Variants in ZDHHC20 observed in about 807,000 individuals in gnomAD.
ZDHHC20 encodes zDHHC palmitoyltransferase 20, also known as palmitoyltransferase ZDHHC20.
ZDHHC20 carries 43 observed loss-of-function variants against 57.8 expected under a neutral mutation model. The observed-to-expected ratio is 0.74, with a 90% CI of 0.58 to 0.96. The LOEUF (loss-of-function observed/expected upper bound fraction) is 0.96. Among genes scored for constraint, ZDHHC20 ranks in the 40% least tolerant of loss-of-function variants. The pLI, the probability that ZDHHC20 is intolerant of heterozygous loss-of-function variation, is 0.00. For synonymous variants in ZDHHC20, 157 were observed against 153.0 expected, an observed-to-expected ratio of 1.03 and a Z score of -0.19; for missense variants, 391 against 441.1, an observed-to-expected ratio of 0.89 and a Z score of 1.02.
chr13:21,420,726 T>C (rs906144858), intron 3 of ZDHHC20, among the ~76,000 whole-genome samples: 2 of 152,224 alleles, frequency 1.3e-5, no homozygotes, highest in African/African-American at 4.8e-5. Flanking sequence ...AAAATATAAA[T>C]GTTGAGAGTT....
intron 1 of ZDHHC20, among the ~76,000 whole-genome samples, chr13:21,437,732 C>T (rs1882701180): frequency 6.6e-6 from 1 of 151,878 alleles, no homozygotes; most frequent in African/African-American, 2.4e-5. Context: ...CACACTGTCG[C>T]CCAGGCTGGA....
At position 21,413,782 on chromosome 13, in the gene ZDHHC20, G is replaced by A. The variant is rs757602444; in HGVS notation, c.250-10C>T. The stretch of plus-strand genomic sequence containing the variant: ...AATTGGACAAGTAGAACTATAAAAG[G>A]AAAGAGGACTATTAAATTTTTTTAA... On this transcript the variant is annotated splice_polypyrimidine_tract_variant and intron_variant, in intron 3 of 12. Transcript: ENST00000400590. The A allele has an allele frequency of 3.3e-5, 52 of 1,595,662 alleles. No individual in the cohort carries two copies. Among genetic ancestry groups the A allele is most frequent in the Non-Finnish European group, 4.3e-5 (50 of 1,173,362 alleles).
intron 4 of ZDHHC20, among the ~76,000 whole-genome samples, chr13:21,412,187 T>C (rs1157937671): frequency 2.0e-5 from 3 of 152,200 alleles, no homozygotes; most frequent in Non-Finnish European, 4.4e-5. Flanking sequence ...TGAATGCAGC[T>C]GCAAATCTAC....
chr13:21,413,871 AT>A, intron 3 of ZDHHC20, 99 bp from the exon 4 acceptor site: 1 of 1,024,856 alleles, frequency 9.8e-7, no homozygotes, highest in Non-Finnish European at 1.4e-6. Context: ...ACCAAAAACT[AT>A]TTTATGAAGA....
chr13:21,445,282 T>C (rs1223842526), intron 1 of ZDHHC20, among the ~76,000 whole-genome samples: 1 of 152,288 alleles, frequency 6.6e-6, no homozygotes, highest in East Asian at 1.9e-4. Context: ...GTTACACAGA[T>C]GTGGATCTGA....
intron 4 of ZDHHC20, chr13:21,404,239 T>A (rs1233851438): frequency 2.2e-6 from 1 of 455,038 alleles, no homozygotes; most frequent in African/African-American, 2.0e-5. Context: ...AAATAACCAA[T>A]CTTCTTTCTG....
chr13:21,457,518 G>T (rs1885025039), intron 1 of ZDHHC20, among the ~76,000 whole-genome samples: 1 of 151,922 alleles, frequency 6.6e-6, no homozygotes, highest in South Asian at 2.1e-4. Flanking sequence ...TAAACATTCT[G>T]GTATCCAAAA....
At chr13:21,428,405 G>C (rs529371444) in intron 1 of ZDHHC20, among the ~76,000 whole-genome samples, 158 of 151,586 alleles carry the variant, frequency 1.0e-3, no homozygotes, top group Non-Finnish European at 1.9e-3. Flanking sequence ...ATTTTTAGTA[G>C]AGACGGGGTT....
chr13:21,451,348 GATTCA>G (rs752561590), intron 1 of ZDHHC20, among the ~76,000 whole-genome samples: 6 of 152,120 alleles, frequency 3.9e-5, no homozygotes, highest in Non-Finnish European at 8.8e-5. Context: ...ACAAGAGTAT[GATTCA>G]ATTCAATTCA....
In ZDHHC20 at chr13:21,425,642, A is replaced by T. The variant is rs768085535; in HGVS notation, c.145+10T>A. The stretch of plus-strand genomic sequence containing the variant: ...GCATTTAACTTAAATTGAAACTAAA[A>T]GTGCCTTACCATTTTCTTCATTTCC... On this transcript the variant is annotated intron_variant, in intron 2 of 12. Coordinates refer to ENST00000400590, the MANE Select transcript of ZDHHC20 (RefSeq NM_001330059.2). 2 of 1,200,824 alleles carry T rather than the reference A, an allele frequency of 1.7e-6. No individual in the cohort carries two copies. The highest frequency in any genetic ancestry group is 2.2e-6 in the Non-Finnish European group (2 of 894,316). The allele number at this position is 1,200,824 out of a possible 1,614,324, so 74.4% of individuals were successfully genotyped here.
At chr13:21,382,627 GC>G (rs1429535509) in intron 10 of ZDHHC20, among the ~76,000 whole-genome samples, 4 of 152,074 alleles carry the variant, frequency 2.6e-5, no homozygotes, top group Non-Finnish European at 5.9e-5. Flanking sequence ...GGTCTTAGTT[GC>G]TCCCCAGCTT....
intron 11 of ZDHHC20, among the ~76,000 whole-genome samples, chr13:21,379,286 T>C (rs921471249): frequency 6.6e-6 from 1 of 151,856 alleles, no homozygotes; most frequent in East Asian, 1.9e-4. Context: ...TTTTTCTTTT[T>C]CCTTTTTTTT....
intron 1 of ZDHHC20, among the ~76,000 whole-genome samples, chr13:21,431,653 G>C (rs1260586661): frequency 1.3e-5 from 2 of 152,138 alleles, no homozygotes; most frequent in Non-Finnish European, 2.9e-5. Flanking sequence ...ACTTAGAATT[G>C]ACAGTTTTTA....
At chr13:21,410,171 G>A (rs987831806) in intron 4 of ZDHHC20, among the ~76,000 whole-genome samples, 3 of 152,114 alleles carry the variant, frequency 2.0e-5, no homozygotes, top group Non-Finnish European at 4.4e-5. Flanking sequence ...GAGTTTGCTG[G>A]AAGTCCACTC....
At chr13:21,454,478 T>C (rs539231149) in intron 1 of ZDHHC20, among the ~76,000 whole-genome samples, 6 of 152,234 alleles carry the variant, frequency 3.9e-5, no homozygotes, top group Admixed American at 1.3e-4. Context: ...TCAAAATTGA[T>C]AGAATAAAAC....
chr13:21,443,425 G>A (rs1012334096), intron 1 of ZDHHC20, among the ~76,000 whole-genome samples: 1 of 152,116 alleles, frequency 6.6e-6, no homozygotes, highest in Admixed American at 6.5e-5. Flanking sequence ...TCTTAGTTCT[G>A]ATACAGTCAC....
chr13:21,417,709 G>T (rs1880161313), intron 3 of ZDHHC20, among the ~76,000 whole-genome samples: 1 of 152,092 alleles, frequency 6.6e-6, no homozygotes. Context: ...AAAGTGCTAG[G>T]ATTATAGGGG....
chr13:21,439,585 A>T (rs1882913873), intron 1 of ZDHHC20, among the ~76,000 whole-genome samples: 1 of 152,194 alleles, frequency 6.6e-6, no homozygotes, highest in South Asian at 2.1e-4. Context: ...TGAAATAAAG[A>T]CTGAAGAACT....
chr13:21,409,450 T>C (rs1299125233), intron 4 of ZDHHC20, among the ~76,000 whole-genome samples: 2 of 152,210 alleles, frequency 1.3e-5, no homozygotes, highest in African/African-American at 4.8e-5. Flanking sequence ...GGATCAGTGG[T>C]GATATCCCCT....
Sources: allele counts gnomAD v4.1 joint callset (sites outside exome capture counted in the v4.1 genomes callset), GRCh38; gene constraint gnomAD v4.1.1; transcripts MANE v1.5; gene names NCBI Gene and HGNC (gene_info 2026-07-23, HGNC 2026-07-21).